TFDP2: variants seen among roughly 807,000 people sequenced by gnomAD.
TFDP2 encodes transcription factor Dp-2.
In TFDP2, 17 loss-of-function variants were observed where a neutral mutation model predicts 59.3. That is an observed-to-expected ratio of 0.29 (90% confidence interval 0.20 to 0.43). TFDP2 has a LOEUF of 0.43. Ranked by LOEUF, TFDP2 falls within the 20% of genes least tolerant of loss-of-function variation. The probability of loss-of-function intolerance (pLI) is 1.00; values close to 1 mark genes in which losing one functional copy is unlikely to be tolerated. For missense variants in TFDP2, 391 were observed against 528.8 expected (o/e 0.74, Z 2.56); for synonymous variants, 180 against 194.7 (o/e 0.92, Z 0.63).
At chr3:142,051,229 C>T (rs909747114) in intron 3 of TFDP2, among the ~76,000 whole-genome samples, 1 of 152,102 alleles carries the variant, frequency 6.6e-6, no homozygotes, top group Non-Finnish European at 1.5e-5. Flanking sequence ...TGCCTACCCC[C>T]CAAGTTGTGA....
intron 1 of TFDP2, among the ~76,000 whole-genome samples, chr3:142,108,860 G>GCCTC (rs1207549197): frequency 6.6e-6 from 1 of 152,014 alleles, no homozygotes; most frequent in African/African-American, 2.4e-5. Flanking sequence ...TGCCTCAAGG[G>GCCTC]CCTCTGTACA....
chr3:141,977,781 G>A (rs1428231332), intron 7 of TFDP2, among the ~76,000 whole-genome samples: 1 of 151,820 alleles, frequency 6.6e-6, no homozygotes, highest in Non-Finnish European at 1.5e-5. Flanking sequence ...TGCGATCTTG[G>A]CTTACTGCAA....
Position 141,968,813 on chromosome 3 carries a change from GAT to G in TFDP2, c.732+1258_732+1259del, listed in dbSNP as rs1392504477. 1.5e-4 allele frequency among the ~76,000 whole-genome samples: 8 copies of G among 53,258 alleles called. No individual in the cohort carries two copies. The South Asian group carries it at 2.0e-3, about 13-fold the overall frequency. 34.9% of individuals were successfully genotyped at this position (53,258 alleles called of 152,430 possible). A position where few individuals can be genotyped will look rare whatever the true frequency, so the allele number is the denominator to read the frequency against. Reference sequence around the variant, plus strand: ...ATAACACATATATATCTCATATATAGATATATATAACACATATATATCTCATA... The same window carrying G: ...ATAACACATATATATCTCATATATAGATATATAACACATATATATCTCATA... On this transcript the variant is annotated intron_variant, in intron 9 of 12. Coordinates refer to ENST00000489671, the MANE Select transcript of TFDP2 (RefSeq NM_001178139.2).
At chr3:142,070,244 TACTC>T (rs1349692473) in intron 3 of TFDP2, among the ~76,000 whole-genome samples, 1 of 152,172 alleles carries the variant, frequency 6.6e-6, no homozygotes, top group East Asian at 1.9e-4. Context: ...AACTTCTTAA[TACTC>T]ACCAATCTTA....
At chr3:141,976,864 C>T (rs1203479810) in intron 7 of TFDP2, among the ~76,000 whole-genome samples, 1 of 147,524 alleles carries the variant, frequency 6.8e-6, no homozygotes, top group Non-Finnish European at 1.5e-5. Context: ...TCAATGTAAT[C>T]CAAAAAAAAA....
intron 1 of TFDP2, among the ~76,000 whole-genome samples, chr3:142,129,093 A>G (rs1183167231): frequency 1.3e-5 from 2 of 152,152 alleles, no homozygotes; most frequent in Non-Finnish European, 2.9e-5. Flanking sequence ...TAATGCCCTT[A>G]AAGTAGACAA....
At chr3:141,995,713 A>T (rs1323709181) in intron 4 of TFDP2, among the ~76,000 whole-genome samples, 1 of 151,902 alleles carries the variant, frequency 6.6e-6, no homozygotes, top group Non-Finnish European at 1.5e-5. Context: ...GTGAAAACCT[A>T]TCTCTATTAA....
At chr3:142,034,024 T>A (rs2108420701) in intron 3 of TFDP2, among the ~76,000 whole-genome samples, 1 of 151,718 alleles carries the variant, frequency 6.6e-6, no homozygotes, top group Middle Eastern at 3.5e-3. Flanking sequence ...ATACTTCCCA[T>A]CTCTCTTTAA....
chr3:142,098,033 C>T (rs1576976986), intron 2 of TFDP2, among the ~76,000 whole-genome samples: 1 of 152,254 alleles, frequency 6.6e-6, no homozygotes, highest in Middle Eastern at 3.4e-3. Flanking sequence ...CCTCAAGTAT[C>T]GCCTGCCTTG....
chr3:142,002,317 GTTTTTTTT>G (rs750047190), intron 4 of TFDP2, among the ~76,000 whole-genome samples: 1 of 106,858 alleles, frequency 9.4e-6, no homozygotes, highest in African/African-American at 3.7e-5. Context: ...TATTTTTAGT[GTTTTTTTT>G]TTTTTTTTTT....
intron 3 of TFDP2, among the ~76,000 whole-genome samples, chr3:142,059,746 A>C (rs2059855778): frequency 6.6e-6 from 1 of 151,924 alleles, no homozygotes; most frequent in Non-Finnish European, 1.5e-5. Flanking sequence ...TGCCCAGCTA[A>C]TTTTTTTGTC....
chr3:142,015,649 C>T (rs912370579), intron 3 of TFDP2, among the ~76,000 whole-genome samples: 4 of 152,186 alleles, frequency 2.6e-5, no homozygotes, highest in African/African-American at 7.2e-5. Context: ...AGGTTCCTGA[C>T]GCAGCTCCAT....
intron 3 of TFDP2, among the ~76,000 whole-genome samples, chr3:142,088,294 G>A (rs1477266096): frequency 1.3e-5 from 2 of 151,862 alleles, no homozygotes; most frequent in African/African-American, 2.4e-5. Context: ...TGGATATAAC[G>A]CAACCCTGGA....
At position 142,026,905 on chromosome 3, in the gene TFDP2, A is replaced by T. The variant is rs188152074; in HGVS notation, c.83-21361T>A. ...TCTTTTTAGAGGCAAACTGCAACATATCATTTCAATTAAACCCAAAATATT... is the reference window on the plus strand; with the variant it reads ...TCTTTTTAGAGGCAAACTGCAACATTTCATTTCAATTAAACCCAAAATATT... On this transcript the variant is annotated intron_variant, in intron 3 of 12. Coordinates refer to ENST00000489671, the MANE Select transcript of TFDP2 (RefSeq NM_001178139.2). 2.5e-3 allele frequency among the ~76,000 whole-genome samples: 374 copies of T among 152,336 alleles called. 6 individuals carry two copies. The highest frequency in any genetic ancestry group is 8.7e-3 in the African/African-American group (363 of 41,578).
At chr3:141,968,269 TATA>T (rs1938460334) in intron 9 of TFDP2, among the ~76,000 whole-genome samples, 1 of 131,780 alleles carries the variant, frequency 7.6e-6, no homozygotes, top group Non-Finnish European at 1.6e-5. Flanking sequence ...TATATATAAT[TATA>T]TATAATATAT....
chr3:142,043,572 G>C lies in TFDP2; in HGVS notation c.83-38028C>G. The stretch of plus-strand genomic sequence containing the variant: ...GATAAAGGTTTCTTTTATTTTAATG[G>C]CTGATCTATGTAATCACGGAGGCCA... On this transcript the variant is annotated intron_variant, in intron 3 of 12. Coordinates refer to ENST00000489671, the MANE Select transcript of TFDP2 (RefSeq NM_001178139.2). 6.7e-6 allele frequency: 5 copies of C among 741,446 alleles called. No individual in the cohort carries two copies. The Middle Eastern group carries it at 1.2e-3, about 177-fold the overall frequency. 45.9% of individuals were successfully genotyped at this position (741,446 alleles called of 1,614,324 possible). A position where few individuals can be genotyped will look rare whatever the true frequency, so the allele number is the denominator to read the frequency against.
chr3:141,962,820 T>C lies in TFDP2; in HGVS notation c.884+992A>G, dbSNP rs551534526. The stretch of plus-strand genomic sequence containing the variant: ...CAGGGCCCTAGGAGACAGGAAGTTC[T>C]GGTATCCCTGGGACAGTTCTGGGGT... On this transcript the variant is annotated intron_variant, in intron 10 of 12. Coordinates refer to ENST00000489671, the MANE Select transcript of TFDP2 (RefSeq NM_001178139.2). 2.0e-5 allele frequency among the ~76,000 whole-genome samples: 3 copies of C among 152,362 alleles called. No individual in the cohort carries two copies. In the South Asian group the frequency reaches 6.2e-4, roughly 32 times the overall value.
intron 3 of TFDP2, among the ~76,000 whole-genome samples, chr3:142,062,140 C>T (rs960139268): frequency 3.3e-5 from 5 of 151,996 alleles, no homozygotes; most frequent in Admixed American, 1.3e-4. Flanking sequence ...CACATATTTT[C>T]TCTCCCTTAA....
At chr3:142,032,540 C>A (rs1427985193) in intron 3 of TFDP2, among the ~76,000 whole-genome samples, 1 of 152,158 alleles carries the variant, frequency 6.6e-6, no homozygotes, top group Non-Finnish European at 1.5e-5. Context: ...ATACTTCTAG[C>A]CCTGGCTTTT....
Sources: gnomAD v4.1 joint callset for allele counts (sites outside exome capture counted in the v4.1 genomes callset) on GRCh38, gnomAD v4.1.1 for gene constraint, MANE v1.5 for transcripts, NCBI Gene and HGNC (gene_info 2026-07-23, HGNC 2026-07-21) for gene names.